SIRPG: variants seen among roughly 807,000 people sequenced by gnomAD.
The protein encoded by SIRPG is signal regulatory protein gamma, also known as signal-regulatory protein gamma.
In SIRPG, 38 loss-of-function variants were observed where a neutral mutation model predicts 35.7. That is an observed-to-expected ratio of 1.06 (90% CI 0.82 to 1.40). The LOEUF (loss-of-function observed/expected upper bound fraction) is 1.40. Among genes scored for constraint, SIRPG ranks in the 40% most tolerant of loss-of-function variants. The pLI is 0.00. For missense variants in SIRPG, 519 were observed against 483.0 expected (o/e 1.07, Z -0.70); for synonymous variants, 215 against 190.4 (o/e 1.13, Z -1.06).
At chr20:1,652,247 C>A (rs1246237811) in intron 1 of SIRPG, among the ~76,000 whole-genome samples, 1 of 152,188 alleles carries the variant, frequency 6.6e-6, no homozygotes, top group Non-Finnish European at 1.5e-5. Context: ...GGCTTGTGGT[C>A]CAGATCTAGG....
At chr20:1,634,913 G>C (rs1308784232) in intron 4 of SIRPG, among the ~76,000 whole-genome samples, 1 of 151,560 alleles carries the variant, frequency 6.6e-6, no homozygotes, top group Non-Finnish European at 1.5e-5. Context: ...CGTGGTGGCG[G>C]GCGCCTGTAG....
chr20:1,675,467 T>G, the SIRPG span, among the ~76,000 whole-genome samples: 1 of 152,186 alleles, frequency 6.6e-6, no homozygotes, highest in East Asian at 1.9e-4. Context: ...GTTGAATGCT[T>G]TTTGCTGTAA....
At chr20:1,648,296 G>A (rs1004121598) in intron 2 of SIRPG, 2 of 152,226 alleles carry the variant, frequency 1.3e-5, no homozygotes, top group Non-Finnish European at 2.9e-5. Context: ...CACAGTGACT[G>A]TATGACTCAG....
At chr20:1,655,846 T>A (rs1007678275) in intron 1 of SIRPG, among the ~76,000 whole-genome samples, 1 of 151,912 alleles carries the variant, frequency 6.6e-6, no homozygotes, top group Admixed American at 6.6e-5. Flanking sequence ...TCACTGAAAA[T>A]AGAAAGAGAA....
the SIRPG span, among the ~76,000 whole-genome samples, chr20:1,666,194 A>T: frequency 0.23 from 34,353 of 152,102 alleles, 4,982 homozygotes; most frequent in East Asian, 0.6. Context: ...AGAGAAAAAA[A>T]TTTTTGTACA....
chr20:1,635,734 T>C (rs747302280), intron 3 of SIRPG, 135 bp from the exon 4 acceptor site: 12 of 908,526 alleles, frequency 1.3e-5, no homozygotes, highest in Non-Finnish European at 1.8e-5. Flanking sequence ...TGCTAAGACA[T>C]TGAGGGCGCT....
At position 1,630,203 on chromosome 20, in the gene SIRPG, C is replaced by T; in HGVS notation, c.*2+19G>A. On this transcript the variant is annotated intron_variant, in intron 5 of 5. Coordinates refer to ENST00000303415, the MANE Select transcript of SIRPG (RefSeq NM_018556.4). ...CTTCTGAGACAGCCCTTGGTCTGTC[C>T]TCCCTTCCTTGTACTTACAGTCAGG... is the stretch of plus-strand genomic sequence containing the variant. 2 of 1,538,502 alleles carry T rather than the reference C, an allele frequency of 1.3e-6. No individual in the cohort carries two copies. Among genetic ancestry groups the T allele is most frequent in the Non-Finnish European group, 1.8e-6 (2 of 1,133,898 alleles).
intron 1 of SIRPG, 151 bp downstream of exon 1, chr20:1,657,491 G>C: frequency 1.3e-6 from 1 of 755,088 alleles, no homozygotes. Context: ...CAGAGAAAGT[G>C]CTCAGCTCCC....
chr20:1,672,461 C>T, the SIRPG span, among the ~76,000 whole-genome samples: 6 of 152,148 alleles, frequency 3.9e-5, no homozygotes, highest in Non-Finnish European at 5.9e-5. Flanking sequence ...CAGGATGTTG[C>T]TGTAGATCTG....
intron 1 of SIRPG, among the ~76,000 whole-genome samples, chr20:1,656,354 C>T (rs1200386333): frequency 6.6e-6 from 1 of 152,194 alleles, no homozygotes. Context: ...TTATAGCTTC[C>T]ACACAGGGAT....
rs1361578011 is a variant in SIRPG, at chr20:1,635,257, G to GT, written c.1081+9dup. 2 of 1,568,304 alleles carry GT rather than the reference G, an allele frequency of 1.3e-6. No individual in the cohort carries two copies. The highest frequency in any genetic ancestry group is 1.7e-6 in the Non-Finnish European group (2 of 1,157,264). The stretch of plus-strand genomic sequence containing the variant: ...AAAAGACAAAATTTAAAAATTTTGA[G>GT]TAACCTCACCAGGGGTAGCATCTGA... On this transcript the variant is annotated intron_variant, in intron 4 of 5. Transcript: ENST00000303415.
chr20:1,657,503 G>A (rs867092878), intron 1 of SIRPG, 139 bp downstream of exon 1: 9 of 833,774 alleles, frequency 1.1e-5, no homozygotes, highest in Non-Finnish European at 1.8e-5. Context: ...TCAGCTCCCT[G>A]ATCTTCTGCT....
the SIRPG span, among the ~76,000 whole-genome samples, chr20:1,683,337 G>C: frequency 1.3e-5 from 2 of 152,154 alleles, no homozygotes; most frequent in Non-Finnish European, 2.9e-5. Context: ...AAACAGTATG[G>C]AGTTTCCTCC....
the SIRPG span, among the ~76,000 whole-genome samples, chr20:1,663,642 T>G: frequency 3.9e-5 from 6 of 152,366 alleles, no homozygotes; most frequent in African/African-American, 1.4e-4. Context: ...TCAACTGTTA[T>G]ACGTTTATCA....
At chr20:1,645,201 G>T (rs1202485318) in intron 2 of SIRPG, among the ~76,000 whole-genome samples, 1 of 152,126 alleles carries the variant, frequency 6.6e-6, no homozygotes, top group African/African-American at 2.4e-5. Context: ...CCAGGGCACT[G>T]AGGCCTCCTG....
intron 1 of SIRPG, among the ~76,000 whole-genome samples, chr20:1,650,004 G>GAATATATATATATATATATA (rs1555815394): frequency 3.0e-5 from 3 of 98,836 alleles, no homozygotes; most frequent in African/African-American, 1.2e-4. Context: ...TTTGAAGTGT[G>GAATATATATATATATATATA]TATATATATA....
chr20:1,630,335 G>A (rs1186786706), intron 4 of SIRPG, 29 bp from the exon 5 acceptor site: 1 of 1,525,388 alleles, frequency 6.6e-7, no homozygotes, highest in African/African-American at 1.4e-5. Context: ...GAGGGGCTAT[G>A]AGAGAGACCA....
At chr20:1,685,788 G>A in the SIRPG span, among the ~76,000 whole-genome samples, 28 of 152,260 alleles carry the variant, frequency 1.8e-4, no homozygotes, top group African/African-American at 6.5e-4. Context: ...GAACATCCCC[G>A]GGAAACATTG....
At chr20:1,634,967 C>T (rs1447272512) in intron 4 of SIRPG, among the ~76,000 whole-genome samples, 13 of 151,536 alleles carry the variant, frequency 8.6e-5, no homozygotes, top group African/African-American at 2.7e-4. Flanking sequence ...GGCGTGAACC[C>T]GGGAGGCGGA....
Sources: allele counts gnomAD v4.1 joint callset (sites outside exome capture counted in the v4.1 genomes callset), GRCh38; gene constraint gnomAD v4.1.1; transcripts MANE v1.5; gene names NCBI Gene and HGNC (gene_info 2026-07-23, HGNC 2026-07-21).